The following RBFOX1 variants were observed in gnomAD, a reference collection of about 807,000 sequenced individuals.
The protein encoded by RBFOX1 is RNA binding fox-1 homolog 1.
A neutral mutation model predicts 57.7 loss-of-function variants in RBFOX1; 8 were observed. That is an observed-to-expected ratio of 0.14 (90% CI 0.08 to 0.25). The LOEUF (loss-of-function observed/expected upper bound fraction) is 0.25. Ranked by LOEUF, RBFOX1 falls within the 10% of genes least tolerant of loss-of-function variation. The pLI, the probability that RBFOX1 is intolerant of heterozygous loss-of-function variation, is 1.00. For synonymous variants in RBFOX1, 326 were observed against 222.4 expected, an observed-to-expected ratio of 1.47 and a Z score of -4.15; for missense variants, 611 against 548.5, an observed-to-expected ratio of 1.11 and a Z score of -1.14.
chr16:7,299,206 A>G lies in RBFOX1; in HGVS notation c.28-218941A>G, dbSNP rs560977932. Among the ~76,000 whole-genome samples the G allele has an allele frequency of 1.7e-3, 257 of 152,292 alleles. 8 individuals are homozygous for G. In the South Asian group the frequency reaches 0.052, roughly 31 times the overall value. On this transcript the variant is annotated intron_variant, in intron 4 of 15. Transcript: ENST00000550418. ...TTCTCCACAGTGATGTCAAATCTAT[A>G]TATTATTGATAGGCATTTTATTCGT...
intron 1 of RBFOX1, among the ~76,000 whole-genome samples, chr16:5,465,894 AG>A (rs2068937668): frequency 1.3e-5 from 2 of 152,174 alleles, no homozygotes; most frequent in South Asian, 4.1e-4. Flanking sequence ...CTTGGGCAGC[AG>A]AGCAGAGCTG....
chr16:7,403,956 G>A (rs1050557345), intron 4 of RBFOX1, among the ~76,000 whole-genome samples: 2 of 149,924 alleles, frequency 1.3e-5, no homozygotes, highest in South Asian at 4.2e-4. Flanking sequence ...TTTGTTAATG[G>A]GTGCTTAAGT....
intron 4 of RBFOX1, among the ~76,000 whole-genome samples, chr16:7,426,040 C>A (rs192013135): frequency 3.3e-4 from 51 of 152,270 alleles, no homozygotes; most frequent in African/African-American, 1.2e-3. Flanking sequence ...CGGGAGAGAC[C>A]CACTGAGGCA....
chr16:7,534,245 C>G (rs1396146574), intron 5 of RBFOX1, among the ~76,000 whole-genome samples: 2 of 151,276 alleles, frequency 1.3e-5, no homozygotes, highest in Non-Finnish European at 3.0e-5. Flanking sequence ...CATCACCACA[C>G]CCAGTTAATT....
intron 3 of RBFOX1, among the ~76,000 whole-genome samples, chr16:5,779,777 C>T (rs535933146): frequency 4.6e-5 from 7 of 152,088 alleles, no homozygotes; most frequent in African/African-American, 9.7e-5. Context: ...TGAGGTGTTG[C>T]GGCACAGGAG....
intron 3 of RBFOX1, among the ~76,000 whole-genome samples, chr16:6,824,635 C>G (rs1037791965): frequency 6.6e-6 from 1 of 152,112 alleles, no homozygotes; most frequent in Non-Finnish European, 1.5e-5. Flanking sequence ...AAGAGAAAAT[C>G]CATTCCTTAT....
chr16:6,431,606 C>T (rs7187190), intron 2 of RBFOX1, among the ~76,000 whole-genome samples: 43,996 of 151,788 alleles, frequency 0.29, 6,792 homozygotes, highest in East Asian at 0.45. Flanking sequence ...AAAGATGATG[C>T]TGGGGGTAAG....
intron 3 of RBFOX1, among the ~76,000 whole-genome samples, chr16:6,875,674 T>C (rs2061704342): frequency 1.3e-5 from 2 of 152,234 alleles, no homozygotes. Flanking sequence ...TATATTTTCT[T>C]TATACCATAA....
chr16:7,272,499 T>G (rs920584137), intron 4 of RBFOX1, among the ~76,000 whole-genome samples: 33 of 152,192 alleles, frequency 2.2e-4, no homozygotes, highest in African/African-American at 6.5e-4. Context: ...TTCCCTAGTT[T>G]AGACATATAT....
At chr16:5,246,420 C>A (rs2062301493) in intron 1 of RBFOX1, among the ~76,000 whole-genome samples, 1 of 152,052 alleles carries the variant, frequency 6.6e-6, no homozygotes, top group African/African-American at 2.4e-5. Flanking sequence ...CTAAATCAAG[C>A]TAAATAACAT....
At chr16:6,345,698 G>C (rs1204778855) in intron 2 of RBFOX1, among the ~76,000 whole-genome samples, 1 of 152,114 alleles carries the variant, frequency 6.6e-6, no homozygotes, top group East Asian at 1.9e-4. Context: ...TCTAAAAGAG[G>C]GATCAGATGT....
chr16:5,606,829 C>T (rs1412960801), intron 3 of RBFOX1, among the ~76,000 whole-genome samples: 1 of 152,124 alleles, frequency 6.6e-6, no homozygotes, highest in Non-Finnish European at 1.5e-5. Flanking sequence ...GTAGAAGGAA[C>T]AGAATCATCA....
chr16:5,671,028 C>T (rs187778245), intron 3 of RBFOX1, among the ~76,000 whole-genome samples: 1 of 152,332 alleles, frequency 6.6e-6, no homozygotes, highest in East Asian at 1.9e-4. Flanking sequence ...GTGAAGCCAT[C>T]CAGCAGAGTA....
At chr16:5,839,859 G>C (rs1187403427) in intron 3 of RBFOX1, among the ~76,000 whole-genome samples, 1 of 152,170 alleles carries the variant, frequency 6.6e-6, no homozygotes, top group Non-Finnish European at 1.5e-5. Flanking sequence ...CAGTAGTCAT[G>C]CTTCTGCAGC....
intron 4 of RBFOX1, among the ~76,000 whole-genome samples, chr16:7,385,055 C>A (rs2148142921): frequency 6.6e-6 from 1 of 152,128 alleles, no homozygotes; most frequent in Admixed American, 6.5e-5. Flanking sequence ...GAGGAGAGGA[C>A]CTTGGAATTT....
intron 4 of RBFOX1, among the ~76,000 whole-genome samples, chr16:7,268,412 G>T (rs1466105567): frequency 1.3e-5 from 2 of 152,168 alleles, no homozygotes; most frequent in African/African-American, 4.8e-5. Flanking sequence ...TTCGATGCCT[G>T]AGTTACTTGC....
intron 3 of RBFOX1, among the ~76,000 whole-genome samples, chr16:5,635,124 C>G (rs1307889918): frequency 6.7e-6 from 1 of 150,114 alleles, no homozygotes; most frequent in Non-Finnish European, 1.5e-5. Flanking sequence ...CTACACTGCT[C>G]CTCCTCATCT....
At chr16:5,379,227 T>A (rs1405664855) in intron 1 of RBFOX1, among the ~76,000 whole-genome samples, 1 of 151,652 alleles carries the variant, frequency 6.6e-6, no homozygotes, top group Non-Finnish European at 1.5e-5. Flanking sequence ...AATTTAATCA[T>A]AAAAGTTCAG....
intron 3 of RBFOX1, among the ~76,000 whole-genome samples, chr16:6,955,290 G>A (rs752235895): frequency 2.0e-5 from 3 of 151,944 alleles, no homozygotes; most frequent in Middle Eastern, 3.4e-3. Flanking sequence ...CCTAGCGTAC[G>A]ATTAAGTAAG....
Sources: gnomAD v4.1 joint callset for allele counts (sites outside exome capture counted in the v4.1 genomes callset) on GRCh38, gnomAD v4.1.1 for gene constraint, MANE v1.5 for transcripts, NCBI Gene and HGNC (gene_info 2026-07-23, HGNC 2026-07-21) for gene names.